RSF1: variants seen among roughly 807,000 people sequenced by gnomAD.
RSF1 encodes the protein remodeling and spacing factor 1, also known as HBV pX-associated protein 8.
RSF1 carries 13 observed loss-of-function variants against 145.2 expected under a neutral mutation model. The observed-to-expected ratio is 0.09, with a 90% confidence interval of 0.06 to 0.14. RSF1 has a LOEUF of 0.14. RSF1 is among the 10% of genes least tolerant of loss of function. RSF1 has a pLI of 1.00. For synonymous variants in RSF1, 577 were observed against 592.6 expected, an observed-to-expected ratio of 0.97 and a Z score of 0.38; for missense variants, 1,517 against 1,718.2, an observed-to-expected ratio of 0.88 and a Z score of 2.07.
intron 8 of RSF1, chr11:77,691,864 A>G (rs1960157472): frequency 6.6e-6 from 1 of 152,302 alleles, no homozygotes; most frequent in Non-Finnish European, 1.5e-5. Context: ...AGTCCATTTC[A>G]CTGAAGAATG....
chr11:77,840,791 C>T, the RSF1 span, among the ~76,000 whole-genome samples: 5 of 152,046 alleles, frequency 3.3e-5, no homozygotes, highest in Non-Finnish European at 7.4e-5. Flanking sequence ...TGAAGAGTGA[C>T]ATTTTAGATA....
chr11:77,672,028 G>T lies in RSF1; in HGVS notation c.3751+14C>A. ...CCTGTCCAAACTTCTATATATAGGA[G>T]ACCTATGCCTTACCTTCACTCTCTG... On this transcript the variant is annotated intron_variant, in intron 15 of 15. Transcript: ENST00000308488. 6.2e-7 allele frequency: 1 copy of T among 1,601,222 alleles called. No individual in the cohort carries two copies. Among genetic ancestry groups the T allele is most frequent in the East Asian group, 2.2e-5 (1 of 44,788 alleles).
intron 1 of RSF1, among the ~76,000 whole-genome samples, chr11:77,785,186 T>C (rs943390926): frequency 6.6e-6 from 1 of 152,214 alleles, no homozygotes; most frequent in African/African-American, 2.4e-5. Context: ...CTTAGTACAA[T>C]ATCTAAAAAG....
At chr11:77,794,716 A>G (rs1420308871) in intron 1 of RSF1, among the ~76,000 whole-genome samples, 1 of 152,178 alleles carries the variant, frequency 6.6e-6, no homozygotes, top group East Asian at 1.9e-4. Flanking sequence ...AACAAAGCCC[A>G]TAGATAACAA....
At chr11:77,713,820 T>C (rs1960744564) in intron 5 of RSF1, among the ~76,000 whole-genome samples, 1 of 152,184 alleles carries the variant, frequency 6.6e-6, no homozygotes, top group Non-Finnish European at 1.5e-5. Flanking sequence ...TCCTACCACT[T>C]ATTATAGTGC....
intron 1 of RSF1, among the ~76,000 whole-genome samples, chr11:77,768,154 T>C (rs1948245029): frequency 6.7e-6 from 1 of 149,450 alleles, no homozygotes; most frequent in African/African-American, 2.5e-5. Flanking sequence ...TATCAACATA[T>C]TATCAGCTTT....
At chr11:77,870,816 A>G in the RSF1 span, among the ~76,000 whole-genome samples, 1 of 152,214 alleles carries the variant, frequency 6.6e-6, no homozygotes, top group African/African-American at 2.4e-5. Context: ...ACATATAGAT[A>G]TACGTTTATA....
chr11:77,757,145 A>T (rs966240659), intron 2 of RSF1, among the ~76,000 whole-genome samples: 2 of 152,198 alleles, frequency 1.3e-5, no homozygotes, highest in African/African-American at 4.8e-5. Flanking sequence ...AAAGAAAAAA[A>T]CTATGTTTTT....
chr11:77,791,345 G>A (rs931121246), intron 1 of RSF1, among the ~76,000 whole-genome samples: 1 of 152,128 alleles, frequency 6.6e-6, no homozygotes, highest in Non-Finnish European at 1.5e-5. Flanking sequence ...CCCCTAGACT[G>A]CACACAGCAT....
intron 10 of RSF1, among the ~76,000 whole-genome samples, 159 bp downstream of exon 10, chr11:77,684,946 C>T (rs1249095508): frequency 1.3e-5 from 2 of 152,006 alleles, no homozygotes; most frequent in Non-Finnish European, 2.9e-5. Flanking sequence ...GAGATTGCGC[C>T]ATTGCACTCC....
At position 77,663,865 on chromosome 11, in the gene RSF1, T is replaced by C. The variant is rs993794780; in HGVS notation, c.*3052A>G. On this transcript the variant is annotated 3_prime_UTR_variant, in exon 16 of 16. Transcript: ENST00000308488. ...AATATTAATCTACATCTCCCTTTAA[T>C]ACATTAGCTACAGTCTAGAGTTTGA... 6.6e-6 allele frequency: 1 copy of C among 152,176 alleles called. No individual in the cohort carries two copies. The highest frequency in any genetic ancestry group is 6.5e-5 in the Admixed American group (1 of 15,268). 9.4% of individuals were successfully genotyped at this position (152,176 alleles called of 1,614,324 possible).
intron 9 of RSF1, among the ~76,000 whole-genome samples, chr11:77,688,700 G>C (rs1031535438): frequency 6.6e-6 from 1 of 152,126 alleles, no homozygotes; most frequent in African/African-American, 2.4e-5. Context: ...TGGGGCAGGA[G>C]GATCCCTTGA....
chr11:77,753,830 T>G (rs1321601428), intron 2 of RSF1, among the ~76,000 whole-genome samples: 2 of 152,186 alleles, frequency 1.3e-5, no homozygotes, highest in Non-Finnish European at 2.9e-5. Context: ...TCCAGGTTTG[T>G]TGTATGTCTG....
chr11:77,677,012 G>T lies in RSF1; in HGVS notation c.3134-13C>A. ...CCTCGGCCAACTCCTGAATTTGGGGGAGGGAAGTTCGGGGAGAGAAAAATA... is the reference window on the plus strand; with the variant it reads ...CCTCGGCCAACTCCTGAATTTGGGGTAGGGAAGTTCGGGGAGAGAAAAATA... On this transcript the variant is annotated splice_polypyrimidine_tract_variant and intron_variant, in intron 12 of 15. Transcript: ENST00000308488. The T allele has an allele frequency of 6.2e-7, 1 of 1,608,286 alleles. No individual in the cohort carries two copies. Among genetic ancestry groups the T allele is most frequent in the Non-Finnish European group, 8.5e-7 (1 of 1,176,624 alleles).
chr11:77,819,480 T>G (rs939447119), intron 1 of RSF1, among the ~76,000 whole-genome samples: 2 of 152,186 alleles, frequency 1.3e-5, no homozygotes, highest in Non-Finnish European at 2.9e-5. Context: ...GAAGTTTCAA[T>G]GGGGCCGGGC....
chr11:77,699,381 G>A (rs2135850949), intron 6 of RSF1, among the ~76,000 whole-genome samples: 1 of 149,992 alleles, frequency 6.7e-6, no homozygotes, highest in East Asian at 2.0e-4. Context: ...TACACTATAG[G>A]TCGTCAGCAA....
chr11:77,821,111 G>C (rs1240833676), upstream of RSF1: 3 of 442,408 alleles, frequency 6.8e-6, no homozygotes, highest in African/African-American at 2.0e-5. Context: ...GGCCTCGGGC[G>C]CTGTTCAACT....
the RSF1 span, among the ~76,000 whole-genome samples, chr11:77,833,009 A>T: frequency 0.085 from 5,067 of 59,766 alleles, 719 homozygotes; most frequent in South Asian, 0.13. Context: ...ATATATATAT[A>T]TTTTTTTTTT....
chr11:77,724,739 A>G lies in RSF1; in HGVS notation c.733+806T>C, dbSNP rs555936937. Among the ~76,000 whole-genome samples, 5 of 152,248 alleles carry G rather than the reference A, an allele frequency of 3.3e-5. No homozygotes were observed. The South Asian group carries it at 6.2e-4, about 19-fold the overall frequency. ...GGAGTGTGCAACCTAGATCCCTTGCATAAGTGGTTCACAATAGGGTTTGTG... is the reference window on the plus strand; with the variant it reads ...GGAGTGTGCAACCTAGATCCCTTGCGTAAGTGGTTCACAATAGGGTTTGTG... On this transcript the variant is annotated intron_variant, in intron 5 of 15. Coordinates refer to ENST00000308488, the MANE Select transcript of RSF1 (RefSeq NM_016578.4).
Sources: allele counts gnomAD v4.1 joint callset (sites outside exome capture counted in the v4.1 genomes callset), GRCh38; gene constraint gnomAD v4.1.1; transcripts MANE v1.5; gene names NCBI Gene and HGNC (gene_info 2026-07-23, HGNC 2026-07-21).